Variants in DDIAS observed in about 807,000 individuals in gnomAD.
DDIAS encodes DNA damage induced apoptosis suppressor, also known as DNA damage-induced apoptosis suppressor protein.
Under a neutral mutation model 15.7 loss-of-function variants are expected in DDIAS, and 14 were observed. The observed-to-expected ratio is 0.89, with a 90% CI of 0.59 to 1.39. The LOEUF (loss-of-function observed/expected upper bound fraction) is 1.39. Among genes scored for constraint, DDIAS ranks in the 40% most tolerant of loss-of-function variants. The pLI is 0.00. For synonymous variants in DDIAS, 355 were observed against 395.9 expected (o/e 0.90, Z 1.23); for missense variants, 1,035 against 1,130.9 (o/e 0.92, Z 1.22).
At chr11:82,920,959 G>A (rs747522422) in intron 3 of DDIAS, among the ~76,000 whole-genome samples, 1 of 152,160 alleles carries the variant, frequency 6.6e-6, no homozygotes, top group African/African-American at 2.4e-5. Flanking sequence ...GACCTGTCTA[G>A]TGCTGTCAGT....
In DDIAS at chr11:82,933,856, T is replaced by A; in HGVS notation, c.2518T>A (p.Ser840Thr). The change falls in exon 6 of 6, where the codon TCT becomes ACT. Residue 840 changes from serine (S) to threonine (T), a missense_variant. Coordinates refer to ENST00000533655, the MANE Select transcript of DDIAS (RefSeq NM_145018.4). The part of the protein sequence containing the change: ...PSQKIRSPIV[S>T]GVSQPDVFNH... ...CCAGAAAATCAGAAGCCCTATTGTA[T>A]CTGGTGTTTCACAACCAGACGTTTT... The A allele has an allele frequency of 6.2e-7, 1 of 1,614,138 alleles. No individual in the cohort carries two copies. Among genetic ancestry groups the A allele is most frequent in the Non-Finnish European group, 8.5e-7 (1 of 1,180,016 alleles).
At chr11:82,910,606 C>CTTTTTT (rs869173859) in intron 1 of DDIAS, among the ~76,000 whole-genome samples, 10 of 89,108 alleles carry the variant, frequency 1.1e-4, no homozygotes, top group African/African-American at 2.1e-4. Context: ...CTCTCTCTCT[C>CTTTTTT]TTTTTTTTTT....
Position 82,934,362 on chromosome 11 carries a change from C to T in DDIAS, c.*27C>T, listed in dbSNP as rs199898626. 3 of 1,541,442 alleles carry T rather than the reference C, an allele frequency of 1.9e-6. No individual in the cohort carries two copies. Among genetic ancestry groups the T allele is most frequent in the African/African-American group, 1.4e-5 (1 of 72,278 alleles). On this transcript the variant is annotated 3_prime_UTR_variant, in exon 6 of 6. Coordinates refer to ENST00000533655, the MANE Select transcript of DDIAS (RefSeq NM_145018.4). ...AAGTCACCTGAACCCAATTCCTGAA[C>T]TTTTAAATCTGTTTGGAAATGTTTG...
At position 82,932,486 on chromosome 11, in the gene DDIAS, G is replaced by A. The variant is rs567506029; in HGVS notation, c.1148G>A (p.Ser383Asn). 2 of 1,614,176 alleles carry A rather than the reference G, an allele frequency of 1.2e-6. No individual in the cohort carries two copies. The highest frequency in any genetic ancestry group is 1.3e-5 in the African/African-American group (1 of 75,036). ...CATCATGGTATAGATACCCCAACTAGCCTTCAGAAGAGATCTGCATGTTGT... is the reference window on the plus strand; with the variant it reads ...CATCATGGTATAGATACCCCAACTAACCTTCAGAAGAGATCTGCATGTTGT... ...FQHHGIDTPT[S>N]LQKRSACCPP... Residue 383 changes from serine to asparagine, a missense_variant, in exon 6 of 6, where the codon AGC becomes AAC. Physicochemically the swap from Ser to Asn is conservative, Grantham distance 46. Coordinates refer to ENST00000533655, the MANE Select transcript of DDIAS (RefSeq NM_145018.4).
Position 82,928,903 on chromosome 11 carries a change from T to C in DDIAS, c.240T>C (p.Asp80=), listed in dbSNP as rs1860925484. The change falls in exon 4 of 6, where the codon GAT becomes GAC. Residue 80 remains aspartate (D), a synonymous_variant. Coordinates refer to ENST00000533655, the MANE Select transcript of DDIAS (RefSeq NM_145018.4). ...TTACTGTATTTGGAAGTTGCTTAGA[T>C]ACATTTTTTGGTCTTACTGCCACTG... The part of the protein sequence containing the change: ...FVITVFGSCL[D]TFFGLTATGL... 6.2e-7 allele frequency: 1 copy of C among 1,612,290 alleles called. No individual in the cohort carries two copies. Among genetic ancestry groups the C allele is most frequent in the Non-Finnish European group, 8.5e-7 (1 of 1,179,632 alleles).
In DDIAS at chr11:82,923,851, A is replaced by T. The variant is rs549226293; in HGVS notation, c.114-4926A>T. Among the ~76,000 whole-genome samples, 6 of 152,352 alleles carry T rather than the reference A, an allele frequency of 3.9e-5. No homozygotes were observed. In the South Asian group the frequency reaches 1.0e-3, roughly 26 times the overall value. ...GTGTACAAAGTTAGTTCGGTCCTTC[A>T]TATGAAGCAGTAACTACACATACAC... On this transcript the variant is annotated intron_variant, in intron 3 of 5. Coordinates refer to ENST00000533655, the MANE Select transcript of DDIAS (RefSeq NM_145018.4).
Position 82,928,838 on chromosome 11 carries a change from C to T in DDIAS, c.175C>T (p.Leu59Phe). The T allele has an allele frequency of 1.2e-6, 2 of 1,613,244 alleles. No homozygotes were observed. The highest frequency in any genetic ancestry group is 1.7e-6 in the Non-Finnish European group (2 of 1,179,710). ...ESGNANYRYK[L>F]SLKVAESNKL... ...TGGAAATGCCAATTACAGATACAAACTTTCCTTAAAAGTTGCAGAATCAAA... is the reference window on the plus strand; with the variant it reads ...TGGAAATGCCAATTACAGATACAAATTTTCCTTAAAAGTTGCAGAATCAAA... Residue 59 changes from leucine to phenylalanine, a missense_variant, in exon 4 of 6, where the codon CTT (leucine) becomes TTT (phenylalanine). Leu to Phe is a conservative substitution (Grantham distance 22, BLOSUM62 0). Coordinates refer to ENST00000533655, the MANE Select transcript of DDIAS (RefSeq NM_145018.4).
At position 82,928,943 on chromosome 11, in the gene DDIAS, G is replaced by T; in HGVS notation, c.275+5G>T. On this transcript the variant is annotated splice_donor_5th_base_variant and intron_variant, in intron 4 of 5. Transcript: ENST00000533655. Reference sequence around the variant, plus strand: ...TACTGCCACTGGTTTGCACAGGTAAGAATACTTAAAACATCCTTTTTCCTG... The same window carrying T: ...TACTGCCACTGGTTTGCACAGGTAATAATACTTAAAACATCCTTTTTCCTG... 1 of 1,597,906 alleles carries T rather than the reference G, an allele frequency of 6.3e-7. No homozygotes were observed. The highest frequency in any genetic ancestry group is 1.4e-5 in the African/African-American group (1 of 73,872).
intron 5 of DDIAS, among the ~76,000 whole-genome samples, chr11:82,930,659 A>T (rs540629036): frequency 6.6e-6 from 1 of 152,282 alleles, no homozygotes; most frequent in East Asian, 1.9e-4. Flanking sequence ...TGGAACACTG[A>T]AGGCAAAGTA....
rs577309703 is a variant in DDIAS at position 82,914,952 on chromosome 11, T to C, written c.113+101T>C. The C allele has an allele frequency of 6.5e-5, 47 of 720,836 alleles. No individual in the cohort carries two copies. In the African/African-American group the frequency reaches 8.3e-4, roughly 13 times the overall value. The allele number at this position is 720,836 out of a possible 1,614,324, so 44.7% of individuals were successfully genotyped here. A position where few individuals can be genotyped will look rare whatever the true frequency, so the allele number is the denominator to read the frequency against. ...GACCAGATTTACCAAACAAGGACAT[T>C]AGATTCTCTCAGGGGTTGGTTCTTC... On this transcript the variant is annotated intron_variant, in intron 3 of 5. Transcript: ENST00000533655.
At chr11:82,920,459 T>A (rs1190493248) in intron 3 of DDIAS, among the ~76,000 whole-genome samples, 2 of 152,242 alleles carry the variant, frequency 1.3e-5, no homozygotes, top group Admixed American at 1.3e-4. Context: ...CCTTGAGGTG[T>A]GACCTTAGAA....
intron 3 of DDIAS, among the ~76,000 whole-genome samples, chr11:82,920,233 G>A (rs1312390856): frequency 1.3e-5 from 2 of 151,740 alleles, no homozygotes; most frequent in Admixed American, 6.6e-5. Flanking sequence ...AATATGTCCC[G>A]TTTTGTTTCT....
Position 82,930,345 on chromosome 11 carries a change from A to T in DDIAS, c.393+71A>T. The T allele has an allele frequency of 9.2e-6, 11 of 1,192,260 alleles. No homozygotes were observed. The South Asian group carries it at 1.4e-4, about 16-fold the overall frequency. The allele number at this position is 1,192,260 out of a possible 1,614,324, so 73.9% of individuals were successfully genotyped here. A position where few individuals can be genotyped will look rare whatever the true frequency, so the allele number is the denominator to read the frequency against. On this transcript the variant is annotated intron_variant, in intron 5 of 5. Coordinates refer to ENST00000533655, the MANE Select transcript of DDIAS (RefSeq NM_145018.4). ...TTGTAATGAATTATGTGAATTTTCT[A>T]AATAGTTGTTAGGAGTTCTGTACAT...
rs192593875 is a variant in DDIAS, at chr11:82,905,752, C to T, written c.-117+3930C>T. The stretch of plus-strand genomic sequence containing the variant: ...ACCTTGTCTGTTTGTCCATCAATCA[C>T]ACTATCCCCACCTAGCATTTAGCAG... On this transcript the variant is annotated intron_variant, in intron 1 of 5. Coordinates refer to ENST00000533655, the MANE Select transcript of DDIAS (RefSeq NM_145018.4). 2.1e-3 allele frequency among the ~76,000 whole-genome samples: 324 copies of T among 152,264 alleles called. 4 individuals carry two copies. The highest frequency in any genetic ancestry group is 7.3e-3 in the African/African-American group (303 of 41,568).
chr11:82,934,239 T>G lies in DDIAS; in HGVS notation c.2901T>G (p.Ser967=). 1 of 1,614,062 alleles carries G rather than the reference T, an allele frequency of 6.2e-7. No homozygotes were observed. The highest frequency in any genetic ancestry group is 2.2e-5 in the East Asian group (1 of 44,888). Residue 967 remains serine, a synonymous_variant, in exon 6 of 6, where the codon TCT becomes TCG. Coordinates refer to ENST00000533655, the MANE Select transcript of DDIAS (RefSeq NM_145018.4). ...PQLHPILGPD[S]CSEVKCCLPF... is the part of the protein sequence containing the mutation. ...TGCACCCTATTCTTGGACCTGATTCTTGTTCAGAAGTCAAATGTTGCCTTC... is the reference window on the plus strand; with the variant it reads ...TGCACCCTATTCTTGGACCTGATTCGTGTTCAGAAGTCAAATGTTGCCTTC...
chr11:82,926,389 CA>C (rs1159627186), intron 3 of DDIAS, among the ~76,000 whole-genome samples: 1 of 151,848 alleles, frequency 6.6e-6, no homozygotes, highest in Non-Finnish European at 1.5e-5. Flanking sequence ...ACGCCTGGCC[CA>C]AGTAAATATT....
intron 4 of DDIAS, among the ~76,000 whole-genome samples, chr11:82,929,407 A>G (rs897220694): frequency 6.6e-6 from 1 of 152,222 alleles, no homozygotes; most frequent in Non-Finnish European, 1.5e-5. Context: ...AGAATAAGCA[A>G]TTAAAGCTTT....
intron 4 of DDIAS, among the ~76,000 whole-genome samples, chr11:82,929,351 T>C (rs1860935516): frequency 1.3e-5 from 2 of 152,220 alleles, no homozygotes; most frequent in South Asian, 4.1e-4. Flanking sequence ...GTATTGCAAT[T>C]TAATTTGCAT....
Position 82,913,434 on chromosome 11 carries a change from A to G in DDIAS, c.-17+48A>G, listed in dbSNP as rs145280394. On this transcript the variant is annotated intron_variant, in intron 2 of 5. Transcript: ENST00000533655. ...AATTCTCTTATATTTTTGTAGAGAC[A>G]GTGTCTCCCTGTGTTTCCCAGGCTG... The G allele has an allele frequency of 5.8e-3, 1,301 of 225,474 alleles. 18 individuals are homozygous for G. Among genetic ancestry groups the G allele is most frequent in the African/African-American group, 0.029 (1,234 of 42,150 alleles). The allele number at this position is 225,474 out of a possible 1,614,324, so 14.0% of individuals were successfully genotyped here. A position where few individuals can be genotyped will look rare whatever the true frequency, so the allele number is the denominator to read the frequency against.
Sources: gnomAD v4.1 joint callset for allele counts (sites outside exome capture counted in the v4.1 genomes callset) on GRCh38, gnomAD v4.1.1 for gene constraint, MANE v1.5 for transcripts, NCBI Gene and HGNC (gene_info 2026-07-23, HGNC 2026-07-21) for gene names.